Variants in ARHGAP21 observed in about 807,000 individuals in gnomAD.
ARHGAP21 encodes rho GTPase-activating protein 21.
Under a neutral mutation model 164.6 loss-of-function variants are expected in ARHGAP21, and 38 were observed. The observed-to-expected ratio is 0.23, with a 90% CI of 0.18 to 0.30. The LOEUF is 0.30. Among genes scored for constraint, ARHGAP21 ranks in the 10% least tolerant of loss-of-function variants. The pLI is 1.00. For missense variants in ARHGAP21, 1,822 were observed against 2,370.7 expected, an observed-to-expected ratio of 0.77 and a Z score of 4.81; for synonymous variants, 766 against 857.9, an observed-to-expected ratio of 0.89 and a Z score of 1.87.
At chr10:24,655,726 G>A (rs1838756979) in intron 4 of ARHGAP21, among the ~76,000 whole-genome samples, 4 of 139,944 alleles carry the variant, frequency 2.9e-5, no homozygotes, top group Non-Finnish European at 6.2e-5. Flanking sequence ...TCTGGAAAGT[G>A]AGGAGCGTCT....
chr10:24,604,191 A>G, intron 12 of ARHGAP21, 121 bp downstream of exon 12: 1 of 642,174 alleles, frequency 1.6e-6, no homozygotes. Flanking sequence ...ATGTGTATCA[A>G]GTATTACATA....
intron 2 of ARHGAP21, among the ~76,000 whole-genome samples, chr10:24,719,478 A>G (rs1235614099): frequency 6.6e-6 from 1 of 152,208 alleles, no homozygotes; most frequent in Non-Finnish European, 1.5e-5. Context: ...TAAAGCATGA[A>G]ACAGAGACTC....
At chr10:24,665,298 T>C (rs1454028079) in intron 4 of ARHGAP21, among the ~76,000 whole-genome samples, 6 of 151,940 alleles carry the variant, frequency 3.9e-5, no homozygotes, top group Non-Finnish European at 7.4e-5. Context: ...CAGATTACTT[T>C]TGATAGTGCA....
chr10:24,717,567 G>C (rs1417292505), intron 2 of ARHGAP21, among the ~76,000 whole-genome samples: 1 of 152,102 alleles, frequency 6.6e-6, no homozygotes, highest in Non-Finnish European at 1.5e-5. Flanking sequence ...ATGGAGCAGA[G>C]GGAGGAGGAA....
At chr10:24,684,881 C>T (rs1355083144) in intron 2 of ARHGAP21, among the ~76,000 whole-genome samples, 4 of 152,296 alleles carry the variant, frequency 2.6e-5, no homozygotes, top group South Asian at 2.1e-4. Context: ...TCAGGTGATC[C>T]GCCCCCCTCA....
chr10:24,702,791 G>A (rs189998572), intron 2 of ARHGAP21, among the ~76,000 whole-genome samples: 1 of 152,136 alleles, frequency 6.6e-6, no homozygotes, highest in Non-Finnish European at 1.5e-5. Flanking sequence ...TATTGCCCAG[G>A]CTGTTATTAA....
chr10:24,681,847 C>A (rs189985914), intron 2 of ARHGAP21, among the ~76,000 whole-genome samples: 2 of 152,120 alleles, frequency 1.3e-5, no homozygotes, highest in Admixed American at 1.3e-4. Context: ...TATGGTATGA[C>A]CGTCACCTGG....
chr10:24,620,353 T>C lies in ARHGAP21; in HGVS notation c.1542A>G (p.Pro514=). 1 of 1,613,912 alleles carries C rather than the reference T, an allele frequency of 6.2e-7. No individual in the cohort carries two copies. The highest frequency in any genetic ancestry group is 8.5e-7 in the Non-Finnish European group (1 of 1,179,866). The part of the protein sequence containing the change: ...ETLENVNSGT[P]IPDSNGEKKQ... ...TTTTCTCTCCATTGGAATCAGGTAT[T>C]GGAGTTCCAGAATTGACATTTTCTA... Residue 514 remains proline, a synonymous_variant, in exon 9 of 26, where the codon CCA becomes CCG. Coordinates refer to ENST00000396432, the MANE Select transcript of ARHGAP21 (RefSeq NM_020824.4).
At chr10:24,600,298 T>C (rs1170517680) in intron 14 of ARHGAP21, among the ~76,000 whole-genome samples, 1 of 152,164 alleles carries the variant, frequency 6.6e-6, no homozygotes, top group African/African-American at 2.4e-5. Context: ...TACTGGTAAG[T>C]ATTTTTACTG....
intron 4 of ARHGAP21, among the ~76,000 whole-genome samples, chr10:24,656,424 G>A (rs1400529587): frequency 1.8e-4 from 15 of 85,448 alleles, no homozygotes; most frequent in South Asian, 8.4e-4. Context: ...CAGCCGCCCC[G>A]TCTGGGAGGT....
At chr10:24,633,510 A>T (rs769850229) in intron 5 of ARHGAP21, 30 bp from the exon 6 acceptor site, 14 of 1,501,294 alleles carry the variant, frequency 9.3e-6, no homozygotes, top group Non-Finnish European at 1.1e-5. Flanking sequence ...AACAAATGAG[A>T]GATCCTGCAG....
At chr10:24,696,968 G>A (rs189153247) in intron 2 of ARHGAP21, among the ~76,000 whole-genome samples, 64 of 152,340 alleles carry the variant, frequency 4.2e-4, no homozygotes, top group African/African-American at 1.3e-3. Flanking sequence ...TAAGGACCAG[G>A]GAGGATGTTA....
intron 6 of ARHGAP21, 34 bp from the exon 7 acceptor site, chr10:24,630,084 T>C (rs544039649): frequency 5.7e-6 from 7 of 1,220,282 alleles, no homozygotes; most frequent in Middle Eastern, 2.9e-4. Context: ...TTAGGAGAGG[T>C]AGAAGTGTAT....
chr10:24,715,190 A>G (rs184496531), intron 2 of ARHGAP21, among the ~76,000 whole-genome samples: 9 of 152,320 alleles, frequency 5.9e-5, no homozygotes, highest in African/African-American at 1.9e-4. Flanking sequence ...TTTAAAGTCT[A>G]TACATAGTGT....
chr10:24,648,821 A>C, intron 4 of ARHGAP21: 1 of 984,812 alleles, frequency 1.0e-6, no homozygotes, highest in Non-Finnish European at 1.2e-6. Context: ...AAATGTATAT[A>C]TATTCTTACC....
Position 24,584,648 on chromosome 10 carries a change from G to C in ARHGAP21, c.5641C>G (p.Arg1881Gly), listed in dbSNP as rs773085790. The C allele has an allele frequency of 3.7e-6, 6 of 1,613,794 alleles. No individual in the cohort carries two copies. The highest frequency in any genetic ancestry group is 5.1e-6 in the Non-Finnish European group (6 of 1,179,860). ...GGTGTGTCGGTCGTGGCTATTTCTC[G>C]TGTGCTTGGGTTCTCTGTCTGGGGA... is the stretch of plus-strand genomic sequence containing the variant. ...GDPQTENPSTREIATTDTPLS... is the reference protein window; with the variant it reads ...GDPQTENPSTGEIATTDTPLS... Residue 1881 changes from arginine to glycine, a missense_variant, in exon 26 of 26, where the codon CGA becomes GGA. Arg to Gly is a moderately radical substitution (Grantham distance 125). This residue lies in a region of ARHGAP21 where 165 missense variants were observed against 176.6 expected (regional missense o/e 0.93). Coordinates refer to ENST00000396432, the MANE Select transcript of ARHGAP21 (RefSeq NM_020824.4).
intron 13 of ARHGAP21, 56 bp from the exon 14 acceptor site, chr10:24,600,986 A>G: frequency 6.4e-7 from 1 of 1,569,908 alleles, no homozygotes; most frequent in East Asian, 2.3e-5. Context: ...TCTTTGTGAC[A>G]GGATAAGCAC....
rs762515057 is a variant in ARHGAP21 at position 24,670,224 on chromosome 10, T to A, written c.237A>T (p.Ser79=). 6.3e-7 allele frequency: 1 copy of A among 1,588,344 alleles called. No homozygotes were observed. Among genetic ancestry groups the A allele is most frequent in the Non-Finnish European group, 8.6e-7 (1 of 1,166,870 alleles). The part of the protein sequence containing the change: ...VYPPESAIQF[S]YKDEENGNRG... ...CGGTAACTATTTCTCTTACCTTATA[T>A]GAAAATTGAATTGCAGACTCTGGGG... Residue 79 remains serine, a synonymous_variant, in exon 3 of 26, where the codon TCA becomes TCT. Transcript: ENST00000396432.
chr10:24,669,999 A>T (rs1840548719), intron 3 of ARHGAP21, among the ~76,000 whole-genome samples: 2 of 152,224 alleles, frequency 1.3e-5, no homozygotes, highest in African/African-American at 4.8e-5. Context: ...TGGAGTTTAG[A>T]ATCACTATGA....
Sources: gnomAD v4.1 joint callset for allele counts (sites outside exome capture counted in the v4.1 genomes callset) on GRCh38, gnomAD v4.1.1 for gene constraint, gnomAD v4.1.1 regional missense constraint, MANE v1.5 for transcripts, NCBI Gene and HGNC (gene_info 2026-07-23, HGNC 2026-07-21) for gene names.